KIF13A: variants seen among roughly 807,000 people sequenced by gnomAD.
KIF13A encodes the protein kinesin family member 13A, also known as kinesin-like protein KIF13A.
In KIF13A, 79 loss-of-function variants were observed where a neutral mutation model predicts 212.2. The observed-to-expected ratio is 0.37, with a 90% CI of 0.31 to 0.45. The LOEUF is 0.45. Ranked by LOEUF, KIF13A falls within the 20% of genes least tolerant of loss-of-function variation. The probability of loss-of-function intolerance (pLI) is 1.00; values close to 1 mark genes in which losing one functional copy is unlikely to be tolerated. For synonymous variants in KIF13A, 789 were observed against 808.6 expected, an observed-to-expected ratio of 0.98 and a Z score of 0.41; for missense variants, 1,901 against 2,209.0, an observed-to-expected ratio of 0.86 and a Z score of 2.79.
intron 4 of KIF13A, among the ~76,000 whole-genome samples, chr6:17,868,091 C>A (rs1769593920): frequency 6.6e-6 from 1 of 152,218 alleles, no homozygotes; most frequent in East Asian, 1.9e-4. Flanking sequence ...ATGGCTTCAG[C>A]ACATTTGAGC....
chr6:17,845,733 T>TATTC (rs1766962553), intron 9 of KIF13A, among the ~76,000 whole-genome samples: 2 of 151,902 alleles, frequency 1.3e-5, no homozygotes, highest in African/African-American at 4.9e-5. Context: ...TTTTCAAATG[T>TATTC]ATTCCCCTGT....
rs1159374400 is a variant in KIF13A, at chr6:17,930,356, A to T, written c.147-32176T>A. ...CAAATGCCTAATTCCTTAGCTTCCT[A>T]ATACAGGCACTGAACAAGAAGTAAC... On this transcript the variant is annotated intron_variant, in intron 2 of 38. Transcript: ENST00000259711. 3.3e-5 allele frequency among the ~76,000 whole-genome samples: 5 copies of T among 152,348 alleles called. No individual in the cohort carries two copies. The East Asian group carries it at 9.6e-4, about 29-fold the overall frequency.
intron 4 of KIF13A, among the ~76,000 whole-genome samples, chr6:17,857,234 C>A (rs908361017): frequency 1.3e-5 from 2 of 152,072 alleles, no homozygotes; most frequent in Non-Finnish European, 2.9e-5. Flanking sequence ...CAACACAAAA[C>A]GAGATAGTAT....
intron 2 of KIF13A, among the ~76,000 whole-genome samples, chr6:17,910,189 T>C (rs534195065): frequency 2.6e-4 from 40 of 152,290 alleles, no homozygotes; most frequent in African/African-American, 7.9e-4. Context: ...TAAAAATAGA[T>C]CCAACATTTT....
intron 6 of KIF13A, among the ~76,000 whole-genome samples, chr6:17,853,193 A>C (rs938291425): frequency 2.0e-5 from 3 of 152,192 alleles, no homozygotes; most frequent in African/African-American, 7.2e-5. Flanking sequence ...ACATCCCTAC[A>C]AAGTAGGCTT....
rs115152873 is a variant in KIF13A at position 17,776,174 on chromosome 6, G to A, written c.4170+1103C>T. 1.1e-4 allele frequency among the ~76,000 whole-genome samples: 17 copies of A among 152,072 alleles called. No individual in the cohort carries two copies. The highest frequency in any genetic ancestry group is 3.4e-4 in the African/African-American group (14 of 41,510). Reference sequence around the variant, plus strand: ...ATTATAAGCGTGAGCCACCGTGCCCGATCTTCTTTACTTTTTAAGCTAGAT... The same window carrying A: ...ATTATAAGCGTGAGCCACCGTGCCCAATCTTCTTTACTTTTTAAGCTAGAT... On this transcript the variant is annotated intron_variant, in intron 34 of 38. Transcript: ENST00000259711. The surrounding 1 kb of genome is among the most constrained non-coding windows in gnomAD (Gnocchi z 4.6).
intron 17 of KIF13A, among the ~76,000 whole-genome samples, chr6:17,813,674 C>A (rs74531867): frequency 0.043 from 6,530 of 152,180 alleles, 349 homozygotes; most frequent in African/African-American, 0.12. Context: ...TGGGAGTCAC[C>A]TTCCCCGGGT....
In KIF13A at chr6:17,779,013, G is replaced by A. The variant is rs577715269; in HGVS notation, c.4026C>T (p.Tyr1342=). 956 of 1,613,542 alleles carry A rather than the reference G, an allele frequency of 5.9e-4. 16 individuals carry two copies. In the South Asian group the frequency reaches 1.0e-2, roughly 17 times the overall value. ...GCACGCCTCGAGTGTACTTCTCAAT[G>A]TACGTCTCCCCATCTGATGTGCCTT... ...ENEGTSDGET[Y]IEKYTRGVLQ... The change falls in exon 33 of 39, where the codon TAC becomes TAT. Residue 1342 remains tyrosine (Y), a synonymous_variant. Coordinates refer to ENST00000259711, the MANE Select transcript of KIF13A (RefSeq NM_022113.6).
chr6:17,930,295 T>C (rs1349275339), intron 2 of KIF13A, among the ~76,000 whole-genome samples: 1 of 152,210 alleles, frequency 6.6e-6, no homozygotes, highest in African/African-American at 2.4e-5. Context: ...TAGCGGGCAT[T>C]GTGAAGCACC....
At chr6:17,911,813 G>A (rs1453564994) in intron 2 of KIF13A, among the ~76,000 whole-genome samples, 1 of 149,026 alleles carries the variant, frequency 6.7e-6, no homozygotes, top group Non-Finnish European at 1.5e-5. Context: ...AGCCCAAGCT[G>A]GAGTACAGTA....
intron 9 of KIF13A, among the ~76,000 whole-genome samples, chr6:17,847,707 A>G (rs912956633): frequency 1.3e-5 from 2 of 152,208 alleles, no homozygotes; most frequent in Non-Finnish European, 2.9e-5. Context: ...AAAAAACAAC[A>G]GCTATAACAG....
rs1472792552 is a variant in KIF13A at position 17,771,380 on chromosome 6, A to G, written c.4477-162T>C. The G allele has an allele frequency of 6.9e-6, 4 of 578,928 alleles. No individual in the cohort carries two copies. Among genetic ancestry groups the G allele is most frequent in the Non-Finnish European group, 1.2e-5 (4 of 324,852 alleles). 35.9% of individuals were successfully genotyped at this position (578,928 alleles called of 1,614,324 possible). A position where few individuals can be genotyped will look rare whatever the true frequency, so the allele number is the denominator to read the frequency against. ...GCCAGAGTTAAACTACTGGAGAGAT[A>G]TGACAGGAATAAACAGATTCTGTGG... On this transcript the variant is annotated intron_variant, in intron 37 of 38. Coordinates refer to ENST00000259711, the MANE Select transcript of KIF13A (RefSeq NM_022113.6). This position sits in a 1 kb window ranked among gnomAD's most constrained non-coding sequence, Gnocchi z 5.4.
At chr6:17,830,360 C>A (rs149772787) in intron 13 of KIF13A, among the ~76,000 whole-genome samples, 1 of 152,056 alleles carries the variant, frequency 6.6e-6, no homozygotes, top group Non-Finnish European at 1.5e-5. Context: ...AAGGGTTGTA[C>A]GTTTATGTTT....
At chr6:17,821,076 G>T (rs1224417865) in intron 16 of KIF13A, among the ~76,000 whole-genome samples, 1 of 152,116 alleles carries the variant, frequency 6.6e-6, no homozygotes, top group African/African-American at 2.4e-5. Context: ...GCCCAGGCTG[G>T]TCTCGAACTC....
intron 3 of KIF13A, among the ~76,000 whole-genome samples, chr6:17,878,876 T>C (rs989545694): frequency 2.6e-5 from 4 of 152,204 alleles, no homozygotes; most frequent in African/African-American, 7.2e-5. Flanking sequence ...TACTGATAGA[T>C]ACAACTGTTC....
chr6:17,970,372 C>T (rs1227145766), intron 2 of KIF13A, among the ~76,000 whole-genome samples: 10 of 54,538 alleles, frequency 1.8e-4, no homozygotes, highest in African/African-American at 1.2e-3. Flanking sequence ...TAGGCCAAGG[C>T]GGTGGGGATC....
In KIF13A at chr6:17,987,470, T is replaced by C; in HGVS notation, c.-7A>G. Reference sequence around the variant, plus strand: ...TTACCTTGGTATCCGACATGTTGGCTGCGCTCGCCCGGCCGCTCGCCGCGC... The same window carrying C: ...TTACCTTGGTATCCGACATGTTGGCCGCGCTCGCCCGGCCGCTCGCCGCGC... On this transcript the variant is annotated 5_prime_UTR_variant, in exon 1 of 39. Coordinates refer to ENST00000259711, the MANE Select transcript of KIF13A (RefSeq NM_022113.6). This position sits in a 1 kb window ranked among gnomAD's most constrained non-coding sequence, Gnocchi z 7.7. 7.8e-7 allele frequency: 1 copy of C among 1,289,448 alleles called. No homozygotes were observed. Among genetic ancestry groups the C allele is most frequent in the East Asian group, 5.6e-5 (1 of 17,912 alleles). The allele number at this position is 1,289,448 out of a possible 1,614,324, so 79.9% of individuals were successfully genotyped here.
At chr6:17,909,396 T>C (rs1445567873) in intron 2 of KIF13A, among the ~76,000 whole-genome samples, 6 of 150,566 alleles carry the variant, frequency 4.0e-5, no homozygotes, top group Non-Finnish European at 7.4e-5. Context: ...ATTAGCCGGG[T>C]GTGGTGGCGC....
At position 17,895,561 on chromosome 6, in the gene KIF13A, ATCTCAATCCACTT is replaced by A. The variant is rs1772489175; in HGVS notation, c.159+2594_159+2606del. On this transcript the variant is annotated intron_variant, in intron 3 of 38. Transcript: ENST00000259711. The surrounding 1 kb of genome is among the most constrained non-coding windows in gnomAD (Gnocchi z 4.4). ...ACCTTCATACCCTACCCCTGGCTGC[ATCTCAATCCACTT>A]TACCAACCCAAAGTATAAGGAGATT... is the stretch of plus-strand genomic sequence containing the variant. 6.6e-6 allele frequency among the ~76,000 whole-genome samples: 1 copy of A among 152,144 alleles called. No individual in the cohort carries two copies. The highest frequency in any genetic ancestry group is 2.1e-4 in the South Asian group (1 of 4,818).
Sources: gnomAD v4.1 joint callset for allele counts (sites outside exome capture counted in the v4.1 genomes callset) on GRCh38, gnomAD v4.1.1 for gene constraint, Gnocchi (gnomAD v3.1) non-coding constraint, MANE v1.5 for transcripts, NCBI Gene and HGNC (gene_info 2026-07-23, HGNC 2026-07-21) for gene names.